The following FOCAD variants were observed in gnomAD, a reference collection of about 807,000 sequenced individuals.
The protein encoded by FOCAD is KIAA1797.
In FOCAD, 198 loss-of-function variants were observed where a neutral mutation model predicts 225.6. The ratio of observed to expected loss-of-function variants is 0.88; its 90% CI spans 0.78 to 0.99. The LOEUF (loss-of-function observed/expected upper bound fraction) is 0.99. FOCAD is among the 50% of genes least tolerant of loss of function. The pLI is 0.00. For missense variants in FOCAD, 2,713 were observed against 2,123.6 expected, an observed-to-expected ratio of 1.28 and a Z score of -5.46; for synonymous variants, 897 against 755.0, an observed-to-expected ratio of 1.19 and a Z score of -3.08.
chr9:20,684,101 T>G (rs905663194), upstream of FOCAD: 3 of 152,252 alleles, frequency 2.0e-5, no homozygotes, highest in Admixed American at 6.5e-5. Context: ...TCAACCGCAG[T>G]GCGCGGCCCG....
In FOCAD at chr9:20,715,418, T is replaced by C; in HGVS notation, c.57+8T>C. ...TCTCTTATCCAATCACAGGTAATTT[T>C]GTTTGTTTATTTTTGCTCATGGTAA... On this transcript the variant is annotated splice_region_variant and intron_variant, in intron 2 of 43. Coordinates refer to ENST00000338382, the MANE Select transcript of FOCAD (RefSeq NM_001375567.1). The C allele has an allele frequency of 6.7e-7, 1 of 1,493,224 alleles. No individual in the cohort carries two copies. Among genetic ancestry groups the C allele is most frequent in the Non-Finnish European group, 9.0e-7 (1 of 1,111,442 alleles). The allele number at this position is 1,493,224 out of a possible 1,614,324, so 92.5% of individuals were successfully genotyped here.
intron 26 of FOCAD, among the ~76,000 whole-genome samples, chr9:20,927,246 G>A (rs1835041815): frequency 6.6e-6 from 1 of 151,954 alleles, no homozygotes; most frequent in African/African-American, 2.4e-5. Context: ...GTGACTTTGG[G>A]CAATTCACTC....
At chr9:20,920,026 A>G (rs1341457308) in intron 24 of FOCAD, among the ~76,000 whole-genome samples, 1 of 152,112 alleles carries the variant, frequency 6.6e-6, no homozygotes, top group African/African-American at 2.4e-5. Flanking sequence ...TGAACAGGCA[A>G]CCTACAAAAT....
chr9:20,715,285 T>G, intron 1 of FOCAD, 37 bp from the exon 2 acceptor site: 1 of 1,017,594 alleles, frequency 9.8e-7, no homozygotes, highest in South Asian at 2.4e-5. Flanking sequence ...TCAGACCAGT[T>G]GGAAGACTAA....
intron 11 of FOCAD, among the ~76,000 whole-genome samples, chr9:20,818,356 A>G (rs1253424345): frequency 1.3e-5 from 2 of 151,952 alleles, no homozygotes; most frequent in African/African-American, 4.8e-5. Context: ...GTATCTTTTG[A>G]CGGACAAGCA....
chr9:20,965,904 G>A (rs1045998844), intron 35 of FOCAD, among the ~76,000 whole-genome samples: 1 of 152,106 alleles, frequency 6.6e-6, no homozygotes, highest in Non-Finnish European at 1.5e-5. Context: ...CATTGCATGG[G>A]TATGCCACAT....
intron 15 of FOCAD, among the ~76,000 whole-genome samples, chr9:20,856,673 T>A (rs138998813): frequency 2.8e-4 from 43 of 152,164 alleles, no homozygotes; most frequent in African/African-American, 9.4e-4. Flanking sequence ...TCCAGACTTA[T>A]GTCCTAGAAT....
At chr9:20,671,241 C>T (rs1303804051) in intron 2 of FOCAD, among the ~76,000 whole-genome samples, 1 of 151,474 alleles carries the variant, frequency 6.6e-6, no homozygotes, top group Non-Finnish European at 1.5e-5. Context: ...TAGATACAAA[C>T]ATCTATATAT....
intron 11 of FOCAD, among the ~76,000 whole-genome samples, chr9:20,810,014 C>G (rs1427149459): frequency 6.6e-6 from 1 of 152,110 alleles, no homozygotes; most frequent in Non-Finnish European, 1.5e-5. Flanking sequence ...TAGTTATTCT[C>G]TAAAAGAACT....
intron 35 of FOCAD, among the ~76,000 whole-genome samples, chr9:20,969,794 C>A (rs2132531230): frequency 6.6e-6 from 1 of 150,986 alleles, no homozygotes; most frequent in East Asian, 1.9e-4. Context: ...TTCTTTATTT[C>A]TTTGTATAGC....
chr9:20,825,927 G>A (rs924564938), intron 15 of FOCAD, among the ~76,000 whole-genome samples: 1 of 152,080 alleles, frequency 6.6e-6, no homozygotes, highest in African/African-American at 2.4e-5. Context: ...GAAGGTTGTA[G>A]GAATCTTGGC....
At chr9:20,656,452 T>C (rs1192334940), upstream of FOCAD, among the ~76,000 whole-genome samples, 5 of 152,360 alleles carry the variant, frequency 3.3e-5, no homozygotes, top group Non-Finnish European at 7.3e-5. Context: ...TTTATGCATC[T>C]TGGTGCTCCT....
chr9:20,859,937 T>G (rs1828607413), intron 15 of FOCAD, among the ~76,000 whole-genome samples: 1 of 151,872 alleles, frequency 6.6e-6, no homozygotes, highest in Admixed American at 6.6e-5. Context: ...GATGAATGAT[T>G]ATGAGTTTTT....
chr9:20,706,215 A>G (rs1376834057), intron 1 of FOCAD, among the ~76,000 whole-genome samples: 3 of 152,056 alleles, frequency 2.0e-5, no homozygotes, highest in Non-Finnish European at 4.4e-5. Flanking sequence ...GATTACAGGT[A>G]TGAGCCACCG....
rs773521117 is a variant in FOCAD at position 20,823,056 on chromosome 9, G to C, written c.1861G>C (p.Asp621His). 1 of 1,609,880 alleles carries C rather than the reference G, an allele frequency of 6.2e-7. No homozygotes were observed. The highest frequency in any genetic ancestry group is 8.5e-7 in the Non-Finnish European group (1 of 1,178,214). The change falls in exon 15 of 44, where the codon GAT becomes CAT. Residue 621 changes from aspartate to histidine, a missense_variant. By Grantham distance (81) the Asp-to-His change is moderately conservative. Coordinates refer to ENST00000338382, the MANE Select transcript of FOCAD (RefSeq NM_001375567.1). ...AGTGTTGAATGAATGCACCAAGCCT[G>C]ATCAAGCTACTCCAGCAGCCTTGGT... ...SQVLNECTKPDQATPAALVLQ... is the reference protein window; with the variant it reads ...SQVLNECTKPHQATPAALVLQ...
At chr9:20,690,906 ATTT>A (rs34441239) in intron 1 of FOCAD, among the ~76,000 whole-genome samples, 3 of 141,266 alleles carry the variant, frequency 2.1e-5, no homozygotes, top group Non-Finnish European at 3.1e-5. Flanking sequence ...ACCTGTCAGC[ATTT>A]TTTTTTTTTT....
chr9:20,888,078 A>ATT (rs748725244), intron 21 of FOCAD, among the ~76,000 whole-genome samples: 3 of 52,680 alleles, frequency 5.7e-5, no homozygotes, highest in East Asian at 4.9e-4. Context: ...TATTCTGGAT[A>ATT]TTTTTTTTTT....
intron 1 of FOCAD, among the ~76,000 whole-genome samples, chr9:20,703,076 G>A (rs1253360059): frequency 2.6e-5 from 4 of 151,756 alleles, no homozygotes; most frequent in African/African-American, 9.7e-5. Flanking sequence ...GGTGGAGTAG[G>A]GAAGCAGAAA....
intron 15 of FOCAD, among the ~76,000 whole-genome samples, chr9:20,841,759 C>T (rs1312468400): frequency 6.6e-6 from 1 of 150,826 alleles, no homozygotes; most frequent in Non-Finnish European, 1.5e-5. Context: ...TATTTATTTC[C>T]CCTTTCATCT....
Sources: allele counts gnomAD v4.1 joint callset (sites outside exome capture counted in the v4.1 genomes callset), GRCh38; gene constraint gnomAD v4.1.1; transcripts MANE v1.5; gene names NCBI Gene and HGNC (gene_info 2026-07-23, HGNC 2026-07-21).